Variants in PPP4R3B observed in about 807,000 individuals in gnomAD.
The protein encoded by PPP4R3B is protein phosphatase 4 regulatory subunit 3B.
Under a neutral mutation model 95.4 loss-of-function variants are expected in PPP4R3B, and 52 were observed. The ratio of observed to expected loss-of-function variants is 0.54; its 90% CI spans 0.44 to 0.69. The LOEUF (loss-of-function observed/expected upper bound fraction) is 0.69. PPP4R3B is among the 30% of genes least tolerant of loss of function. The probability of loss-of-function intolerance (pLI) is 0.00; values close to 1 mark genes in which losing one functional copy is unlikely to be tolerated. For missense variants in PPP4R3B, 1,003 were observed against 1,005.9 expected (o/e 1.00, Z 0.04); for synonymous variants, 407 against 343.9 (o/e 1.18, Z -2.03).
intron 5 of PPP4R3B, among the ~76,000 whole-genome samples, chr2:55,588,652 G>A (rs570966472): frequency 2.0e-5 from 3 of 152,210 alleles, no homozygotes; most frequent in African/African-American, 7.2e-5. Context: ...ATACAATGGT[G>A]GGGGGTGATA....
chr2:55,576,524 C>T (rs1203611695), intron 11 of PPP4R3B, among the ~76,000 whole-genome samples: 3 of 151,906 alleles, frequency 2.0e-5, no homozygotes, highest in Non-Finnish European at 4.4e-5. Context: ...GGGTGGATCA[C>T]GAGGTCAGGA....
chr2:55,568,488 G>A (rs1687583863), intron 12 of PPP4R3B, 125 bp from the exon 13 acceptor site: 3 of 705,126 alleles, frequency 4.3e-6, no homozygotes. Context: ...TGTGTATAAA[G>A]TAAAAAGTAA....
intron 4 of PPP4R3B, among the ~76,000 whole-genome samples, chr2:55,590,969 CTTAA>C (rs958795740): frequency 6.6e-6 from 1 of 152,184 alleles, no homozygotes; most frequent in African/African-American, 2.4e-5. Context: ...AGATGAATCA[CTTAA>C]TTAGTCTGAC....
Position 55,548,316 on chromosome 2 carries a change from T to C in PPP4R3B, c.*1595A>G, listed in dbSNP as rs974490317. ...TTGGCTTTTAAAAGATACTGTAAAA[T>C]TGACATATCTCAAAATGGAGTTAAT... On this transcript the variant is annotated 3_prime_UTR_variant, in exon 17 of 17. Transcript: ENST00000616407. The C allele has an allele frequency of 1.3e-5, 2 of 152,604 alleles. No homozygotes were observed. Among genetic ancestry groups the C allele is most frequent in the East Asian group, 1.9e-4 (1 of 5,196 alleles). 9.5% of individuals were successfully genotyped at this position (152,604 alleles called of 1,614,324 possible). A position where few individuals can be genotyped will look rare whatever the true frequency, so the allele number is the denominator to read the frequency against.
rs1328794311 is a variant in PPP4R3B, at chr2:55,547,633, T to C, written c.*2278A>G. 3 of 152,210 alleles carry C rather than the reference T, an allele frequency of 2.0e-5. No homozygotes were observed. Among genetic ancestry groups the C allele is most frequent in the Non-Finnish European group, 2.9e-5 (2 of 68,038 alleles). The allele number at this position is 152,210 out of a possible 1,614,324, so 9.4% of individuals were successfully genotyped here. A position where few individuals can be genotyped will look rare whatever the true frequency, so the allele number is the denominator to read the frequency against. Reference sequence around the variant, plus strand: ...TGATGATTTAAATGTTTAAGACTTATGGCAGCTCTTCAGAAAGAAAAAGGA... The same window carrying C: ...TGATGATTTAAATGTTTAAGACTTACGGCAGCTCTTCAGAAAGAAAAAGGA... On this transcript the variant is annotated 3_prime_UTR_variant, in exon 17 of 17. Coordinates refer to ENST00000616407, the MANE Select transcript of PPP4R3B (RefSeq NM_001122964.3).
At chr2:55,605,017 G>C (rs1693191288) in intron 2 of PPP4R3B, among the ~76,000 whole-genome samples, 1 of 151,900 alleles carries the variant, frequency 6.6e-6, no homozygotes, top group Non-Finnish European at 1.5e-5. Context: ...TTTTCGTAGA[G>C]ACAGGGTTTC....
At chr2:55,596,645 A>G (rs1691814026) in intron 4 of PPP4R3B, among the ~76,000 whole-genome samples, 1 of 152,256 alleles carries the variant, frequency 6.6e-6, no homozygotes, top group African/African-American at 2.4e-5. Context: ...GAGTATTCAC[A>G]GGACAGACAG....
intron 2 of PPP4R3B, chr2:55,614,449 G>C (rs576414101): frequency 2.0e-5 from 3 of 152,102 alleles, no homozygotes; most frequent in Non-Finnish European, 4.4e-5. Context: ...TAACATGAAC[G>C]AATATTCAAA....
intron 16 of PPP4R3B, among the ~76,000 whole-genome samples, chr2:55,555,243 G>A (rs1348847652): frequency 1.4e-4 from 19 of 136,468 alleles, no homozygotes; most frequent in African/African-American, 4.7e-4. Flanking sequence ...TTGCGCCACC[G>A]CACTCCAGCC....
chr2:55,600,773 A>G (rs1021561037), intron 3 of PPP4R3B, among the ~76,000 whole-genome samples: 2 of 152,136 alleles, frequency 1.3e-5, no homozygotes, highest in Non-Finnish European at 2.9e-5. Flanking sequence ...AATAAAATTT[A>G]AAAAAACAAT....
chr2:55,549,969 T>C lies in PPP4R3B; in HGVS notation c.2492A>G (p.Glu831Gly). 5.6e-6 allele frequency: 9 copies of C among 1,613,516 alleles called. No individual in the cohort carries two copies. Among genetic ancestry groups the C allele is most frequent in the Non-Finnish European group, 7.6e-6 (9 of 1,179,830 alleles). Residue 831 changes from glutamate (E) to glycine (G), a missense_variant, in exon 17 of 17, where the codon GAA becomes GGA. Glu to Gly is a moderately conservative substitution (Grantham distance 98, BLOSUM62 -2). This residue lies in a region of PPP4R3B where 229 missense variants were observed against 194.7 expected (regional missense o/e 1.18). Coordinates refer to ENST00000616407, the MANE Select transcript of PPP4R3B (RefSeq NM_001122964.3). The part of the protein sequence containing the change: ...LVGLVDYPDD[E>G]EEDEEEESSP... ...CGATTCTTCTTCTTCATCTTCCTCT[T>C]CATCATCTGGATAATCCACTAAGCC...
At chr2:55,573,909 G>C (rs1468366429) in intron 11 of PPP4R3B, 132 bp from the exon 12 acceptor site, 1 of 463,258 alleles carries the variant, frequency 2.2e-6, no homozygotes, top group Non-Finnish European at 3.2e-6. Context: ...TTTTTTTTGA[G>C]ACAAAGTCTC....
At chr2:55,577,466 C>T in intron 10 of PPP4R3B, 110 bp from the exon 11 acceptor site, 1 of 1,102,674 alleles carries the variant, frequency 9.1e-7, no homozygotes, top group South Asian at 3.4e-5. Flanking sequence ...CTCCTTTTAC[C>T]CTCAAAATAA....
chr2:55,568,539 G>T (rs1687589632), intron 12 of PPP4R3B, among the ~76,000 whole-genome samples, 176 bp from the exon 13 acceptor site: 1 of 152,148 alleles, frequency 6.6e-6, no homozygotes, highest in Admixed American at 6.6e-5. Flanking sequence ...GGTAAAACTG[G>T]ACTTTGAGGA....
intron 4 of PPP4R3B, among the ~76,000 whole-genome samples, chr2:55,590,803 C>CA (rs1378920640): frequency 6.6e-6 from 1 of 152,184 alleles, no homozygotes; most frequent in East Asian, 1.9e-4. Flanking sequence ...TACTGAGGAT[C>CA]ATCCATTAAA....
chr2:55,582,088 C>A (rs181795511), intron 7 of PPP4R3B, among the ~76,000 whole-genome samples: 1 of 152,076 alleles, frequency 6.6e-6, no homozygotes, highest in South Asian at 2.1e-4. Flanking sequence ...GATCACATGA[C>A]CCTAAGACAT....
At chr2:55,580,497 C>T (rs536798371) in intron 8 of PPP4R3B, among the ~76,000 whole-genome samples, 6 of 152,244 alleles carry the variant, frequency 3.9e-5, no homozygotes, top group South Asian at 2.1e-4. Flanking sequence ...AGAAAAAGAA[C>T]CAATTAAGCC....
At chr2:55,586,881 A>T (rs1690215181) in intron 5 of PPP4R3B, 147 bp from the exon 6 acceptor site, 1 of 488,268 alleles carries the variant, frequency 2.0e-6, no homozygotes, top group Non-Finnish European at 3.6e-6. Flanking sequence ...CATTAAAAAC[A>T]AATTAAAAAC....
At chr2:55,561,193 A>G (rs1324802702) in intron 15 of PPP4R3B, among the ~76,000 whole-genome samples, 2 of 151,730 alleles carry the variant, frequency 1.3e-5, no homozygotes, top group African/African-American at 4.8e-5. Flanking sequence ...GCAAGCCCCA[A>G]CTCTTGGTGG....
Sources: allele counts gnomAD v4.1 joint callset (sites outside exome capture counted in the v4.1 genomes callset), GRCh38; gene constraint gnomAD v4.1.1; regional missense constraint gnomAD v4.1.1; transcripts MANE v1.5; gene names NCBI Gene and HGNC (gene_info 2026-07-23, HGNC 2026-07-21).